The following SGSM1 variants were observed in gnomAD, a reference collection of about 807,000 sequenced individuals.
SGSM1 encodes the protein small G protein signaling modulator 1.
Under a neutral mutation model 133.8 loss-of-function variants are expected in SGSM1, and 73 were observed. The observed-to-expected ratio is 0.55, with a 90% CI of 0.45 to 0.66. SGSM1 has a LOEUF of 0.66. SGSM1 is among the 30% of genes least tolerant of loss of function. The probability of loss-of-function intolerance (pLI) is 0.00; values close to 1 mark genes in which losing one functional copy is unlikely to be tolerated. For missense variants in SGSM1, 1,213 were observed against 1,448.1 expected (o/e 0.84, Z 2.64); for synonymous variants, 563 against 573.0 (o/e 0.98, Z 0.25).
chr22:24,897,724 C>T (rs1410646643), intron 18 of SGSM1, among the ~76,000 whole-genome samples: 1 of 152,238 alleles, frequency 6.6e-6, no homozygotes, highest in Non-Finnish European at 1.5e-5. Context: ...CTGCCTTGGC[C>T]TCCCAAAGTT....
At position 24,923,784 on chromosome 22, in the gene SGSM1, G is replaced by A. The variant is rs112620009; in HGVS notation, c.3194-402G>A. Among the ~76,000 whole-genome samples, 321 of 152,124 alleles carry A rather than the reference G, an allele frequency of 2.1e-3. 1 individual carries two copies. Among genetic ancestry groups the A allele is most frequent in the African/African-American group, 6.6e-3 (273 of 41,512 alleles). The stretch of plus-strand genomic sequence containing the variant: ...ATTACAGGCATGCGCCACCACACCC[G>A]ACTAGTTTTGTATTTTTAGTAGAGA... On this transcript the variant is annotated intron_variant, in intron 24 of 24. Coordinates refer to ENST00000400358, the MANE Select transcript of SGSM1 (RefSeq NM_001098497.3).
intron 9 of SGSM1, among the ~76,000 whole-genome samples, chr22:24,861,643 G>A (rs2147863943): frequency 6.6e-6 from 1 of 151,822 alleles, no homozygotes; most frequent in Non-Finnish European, 1.5e-5. Flanking sequence ...TGCTTCCTGG[G>A]TTCAAGCGAT....
At chr22:24,842,719 G>A (rs934272026) in intron 2 of SGSM1, among the ~76,000 whole-genome samples, 12 of 152,282 alleles carry the variant, frequency 7.9e-5, no homozygotes, top group African/African-American at 2.4e-4. Context: ...CTGAACCAGC[G>A]ACATTCCAGC....
intron 12 of SGSM1, among the ~76,000 whole-genome samples, chr22:24,871,371 C>A (rs1931754678): frequency 6.6e-6 from 1 of 152,306 alleles, no homozygotes; most frequent in Non-Finnish European, 1.5e-5. Context: ...CCACCAGCAG[C>A]ATATTCTGAG....
At chr22:24,868,014 G>A (rs1040264492) in intron 10 of SGSM1, among the ~76,000 whole-genome samples, 3 of 152,168 alleles carry the variant, frequency 2.0e-5, no homozygotes, top group East Asian at 1.9e-4. Flanking sequence ...CTACTGCCCC[G>A]AGACAGGGGA....
At chr22:24,896,938 C>T (rs1225525905) in intron 18 of SGSM1, among the ~76,000 whole-genome samples, 1 of 151,960 alleles carries the variant, frequency 6.6e-6, no homozygotes, top group Non-Finnish European at 1.5e-5. Flanking sequence ...GATCGTGCCA[C>T]TTCACTCCAG....
At chr22:24,898,690 G>A (rs1933004289) in intron 19 of SGSM1, 131 bp downstream of exon 19, 2 of 893,502 alleles carry the variant, frequency 2.2e-6, no homozygotes, top group East Asian at 2.6e-5. Flanking sequence ...CCGTCATGGA[G>A]GATTCACTGT....
intron 9 of SGSM1, among the ~76,000 whole-genome samples, chr22:24,861,334 A>G (rs1479789903): frequency 2.1e-5 from 3 of 140,130 alleles, no homozygotes; most frequent in African/African-American, 8.1e-5. Flanking sequence ...CCTGGATGAC[A>G]GGGCGAGACT....
chr22:24,807,255 G>A lies in SGSM1; in HGVS notation c.63+771G>A, dbSNP rs115788592. 8.0e-3 allele frequency among the ~76,000 whole-genome samples: 1,221 copies of A among 152,286 alleles called. 18 individuals are homozygous for A. Among genetic ancestry groups the A allele is most frequent in the African/African-American group, 0.027 (1,141 of 41,528 alleles). On this transcript the variant is annotated intron_variant, in intron 2 of 24. Coordinates refer to ENST00000400358, the MANE Select transcript of SGSM1 (RefSeq NM_001098497.3). ...GGTAGCATCTCGATGCCTGGACTGC[G>A]TGCTCTGGTGTGTATACCTGCATGG... is the stretch of plus-strand genomic sequence containing the variant.
At chr22:24,860,922 A>AATATATATATATATATATATATATATAT (rs1555926665) in intron 9 of SGSM1, among the ~76,000 whole-genome samples, 3 of 37,602 alleles carry the variant, frequency 8.0e-5, no homozygotes, top group Non-Finnish European at 1.3e-4. Flanking sequence ...AAAAAAAAAA[A>AATATATATATATATATATATATATATAT]ATATATATAT....
Position 24,886,299 on chromosome 22 carries a change from G to A in SGSM1, c.1642-301G>A, listed in dbSNP as rs925219978. Among the ~76,000 whole-genome samples the A allele has an allele frequency of 1.2e-4, 18 of 152,132 alleles. 1 individual carries two copies. The highest frequency in any genetic ancestry group is 8.3e-4 in the South Asian group (4 of 4,818). ...ACTGGTAATCCCAGCTACTCGGGAG[G>A]CTGAGGCAGGAGAATCACTTGAAAC... On this transcript the variant is annotated intron_variant, in intron 15 of 24. Transcript: ENST00000400358.
chr22:24,826,504 A>C (rs561585180), intron 2 of SGSM1, among the ~76,000 whole-genome samples: 218 of 152,312 alleles, frequency 1.4e-3, no homozygotes, highest in Non-Finnish European at 2.7e-3. Flanking sequence ...AGTGTTACTA[A>C]TGTAGTCCGA....
intron 14 of SGSM1, among the ~76,000 whole-genome samples, chr22:24,880,913 A>C (rs1932276882): frequency 6.6e-6 from 1 of 152,220 alleles, no homozygotes; most frequent in Non-Finnish European, 1.5e-5. Context: ...AATAATGGGC[A>C]GGCGCGGTGG....
intron 2 of SGSM1, among the ~76,000 whole-genome samples, chr22:24,822,080 A>ATC (rs200350405): frequency 0.03 from 3,638 of 119,884 alleles, 168 homozygotes; most frequent in African/African-American, 0.054. Context: ...CTACCTGTTC[A>ATC]TCTCTCTCTT....
Position 24,924,597 on chromosome 22 carries a change from C to T in SGSM1, c.*323C>T, listed in dbSNP as rs1449593873. On this transcript the variant is annotated 3_prime_UTR_variant, in exon 25 of 25. Coordinates refer to ENST00000400358, the MANE Select transcript of SGSM1 (RefSeq NM_001098497.3). ...GTGCCCGGAATGGTCTCCTCTTCTT[C>T]TTTCCCTATCCCTCCAAACTGTCTT... The T allele has an allele frequency of 2.7e-6, 1 of 375,732 alleles. No homozygotes were observed. The highest frequency in any genetic ancestry group is 5.5e-5 in the East Asian group (1 of 18,088). The allele number at this position is 375,732 out of a possible 1,614,324, so 23.3% of individuals were successfully genotyped here.
At chr22:24,917,130 T>G (rs1455260521) in intron 22 of SGSM1, among the ~76,000 whole-genome samples, 1 of 150,922 alleles carries the variant, frequency 6.6e-6, no homozygotes, top group Admixed American at 6.7e-5. Flanking sequence ...TGGCTTCAAG[T>G]GATCCTCTTG....
intron 16 of SGSM1, among the ~76,000 whole-genome samples, chr22:24,892,122 A>T (rs76565341): frequency 0.047 from 7,175 of 152,124 alleles, 249 homozygotes; most frequent in Middle Eastern, 0.071. Flanking sequence ...CCATGCATCT[A>T]GGTGAAAGTG....
In SGSM1 at chr22:24,908,986, G is replaced by T. The variant is rs144488166; in HGVS notation, c.2819-3657G>T. ...AGACAGGAACCTTGCCGCACGGCAG[G>T]AGGTGAGCAGTAGGCTAGTGAGCAT... On this transcript the variant is annotated intron_variant, in intron 21 of 24. Coordinates refer to ENST00000400358, the MANE Select transcript of SGSM1 (RefSeq NM_001098497.3). Among the ~76,000 whole-genome samples the T allele has an allele frequency of 4.1e-3, 632 of 152,294 alleles. 24 individuals carry two copies. The East Asian group carries it at 0.1, about 24-fold the overall frequency.
At chr22:24,921,536 T>C (rs1277969489) in intron 24 of SGSM1, among the ~76,000 whole-genome samples, 5 of 152,318 alleles carry the variant, frequency 3.3e-5, no homozygotes, top group African/African-American at 1.2e-4. Flanking sequence ...TCTGTTAGCA[T>C]AAAGATTCCC....
Sources: allele counts gnomAD v4.1 joint callset (sites outside exome capture counted in the v4.1 genomes callset), GRCh38; gene constraint gnomAD v4.1.1; transcripts MANE v1.5; gene names NCBI Gene and HGNC (gene_info 2026-07-23, HGNC 2026-07-21).